Variants in COMP observed in about 807,000 individuals in gnomAD.
The protein encoded by COMP is cartilage oligomeric matrix protein.
COMP carries 79 observed loss-of-function variants against 95.8 expected under a neutral mutation model. The ratio of observed to expected loss-of-function variants is 0.82; its 90% confidence interval spans 0.69 to 0.99. COMP has a LOEUF of 0.99. Ranked by LOEUF, COMP falls within the 50% of genes least tolerant of loss-of-function variation. The pLI, the probability that COMP is intolerant of heterozygous loss-of-function variation, is 0.00. For missense variants in COMP, 906 were observed against 1,076.1 expected (o/e 0.84, Z 2.21); for synonymous variants, 438 against 433.9 (o/e 1.01, Z -0.12).
At chr19:18,790,749 C>CA in intron 2 of COMP, 101 bp downstream of exon 2, 2 of 1,604,398 alleles carry the variant, frequency 1.2e-6, no homozygotes, top group Non-Finnish European at 1.7e-6. Flanking sequence ...CTTCCCTCCC[C>CA]ATCTCCTCTC....
At chr19:18,790,791 G>A (rs2055207302) in intron 2 of COMP, 59 bp downstream of exon 2, 1 of 1,569,082 alleles carries the variant, frequency 6.4e-7, no homozygotes, top group Non-Finnish European at 8.6e-7. Flanking sequence ...TCTCCTCGCT[G>A]GGAACTGAGA....
chr19:18,787,437 C>T, intron 10 of COMP, 54 bp downstream of exon 10: 1 of 1,602,046 alleles, frequency 6.2e-7, no homozygotes, highest in Non-Finnish European at 8.5e-7. Context: ...GAGCCGAATC[C>T]CGCCCTTCGG....
chr19:18,787,914 C>CT (rs1169365963), intron 9 of COMP, among the ~76,000 whole-genome samples: 28 of 137,008 alleles, frequency 2.0e-4, no homozygotes, highest in Admixed American at 3.8e-4. Context: ...TTCTTTCTTT[C>CT]TTTTTTTTGA....
At chr19:18,783,743 G>A (rs554276367) in intron 17 of COMP, among the ~76,000 whole-genome samples, 1 of 152,086 alleles carries the variant, frequency 6.6e-6, no homozygotes, top group African/African-American at 2.4e-5. Context: ...CTGAGTAGCC[G>A]GGATGACAGG....
Position 18,790,869 on chromosome 19 carries a change from C to T in COMP, c.146G>A (p.Arg49Gln). ...CCGCACCTGCTGCCGCAGCAGCTCCCGCACGTCCTGCAGCGCCGCGTTGGT... is the reference window on the plus strand; with the variant it reads ...CCGCACCTGCTGCCGCAGCAGCTCCTGCACGTCCTGCAGCGCCGCGTTGGT... ...QETNAALQDV[R>Q]ELLRQQVREI... Residue 49 changes from arginine to glutamine, a missense_variant, in exon 2 of 19, where the codon CGG becomes CAG. Arg to Gln is a conservative substitution (Grantham distance 43, BLOSUM62 1). Coordinates refer to ENST00000222271, the MANE Select transcript of COMP (RefSeq NM_000095.3). 1 of 1,567,426 alleles carries T rather than the reference C, an allele frequency of 6.4e-7. No individual in the cohort carries two copies. The highest frequency in any genetic ancestry group is 8.6e-7 in the Non-Finnish European group (1 of 1,158,164).
At position 18,786,620 on chromosome 19, in the gene COMP, C is replaced by A. The variant is rs1429434583; in HGVS notation, c.1166G>T (p.Arg389Met). The change falls in exon 11 of 19, where the codon AGG (arginine) becomes ATG (methionine). Residue 389 changes from arginine (R) to methionine (M), a missense_variant. Transcript: ENST00000222271. Reference protein sequence around the residue: ...RIRNQADNCPRVPNSDQKDSD... With the variant: ...RIRNQADNCPMVPNSDQKDSD... ...GTCCTTCTGGTCTGAGTTGGGTACC[C>A]TAGGGCAGTTGTCGGCCTGGTTGCG... is the stretch of plus-strand genomic sequence containing the variant. The A allele has an allele frequency of 1.2e-6, 2 of 1,614,012 alleles. No individual in the cohort carries two copies. The highest frequency in any genetic ancestry group is 2.7e-5 in the African/African-American group (2 of 75,030).
rs751974065 is a variant in COMP at position 18,785,028 on chromosome 19, G to A, written c.1782C>T (p.Asp594=). Residue 594 remains aspartate, a synonymous_variant, in exon 16 of 19, where the codon GAC becomes GAT. Transcript: ENST00000222271. ...AGCCAAAGATGAAGCCCGCATAGTCGTCATCCGTGACCGTGTTCACATGGA... is the reference window on the plus strand; with the variant it reads ...AGCCAAAGATGAAGCCCGCATAGTCATCATCCGTGACCGTGTTCACATGGA... ...GTFHVNTVTD[D]DYAGFIFGYQ... is the part of the protein sequence containing the mutation. The A allele has an allele frequency of 4.3e-6, 7 of 1,614,052 alleles. No homozygotes were observed. In the East Asian group the frequency reaches 1.1e-4, roughly 26 times the overall value.
Position 18,788,306 on chromosome 19 carries a change from G to A in COMP, c.881C>T (p.Thr294Ile), listed in dbSNP as rs774577435. 1 of 1,612,050 alleles carries A rather than the reference G, an allele frequency of 6.2e-7. No homozygotes were observed. The highest frequency in any genetic ancestry group is 8.5e-7 in the Non-Finnish European group (1 of 1,179,844). ...ERQCRKDNCV[T>I]VPNSGQEDVD... ...ATCCTCCTGCCCTGAGTTGGGCACA[G>A]TCACGCAGTTGTCCTGGGGGCGGGC... The change falls in exon 9 of 19, where the codon ACT (threonine) becomes ATT (isoleucine). Residue 294 changes from threonine (T) to isoleucine (I), a missense_variant. Thr to Ile is a moderately conservative substitution (Grantham distance 89). Coordinates refer to ENST00000222271, the MANE Select transcript of COMP (RefSeq NM_000095.3). This position sits in a 1 kb window ranked among gnomAD's most constrained non-coding sequence, Gnocchi z 4.7.
chr19:18,783,140 T>C lies in COMP; in HGVS notation c.2141A>G (p.Asp714Gly). ...CAGGCGGCCACCCCGCATGGTTGTG[T>C]CCAAGACCACGTTGCTGTCGGCCAC... ...ELVADSNVVL[D>G]TTMRGGRLGV... The change falls in exon 18 of 19, where the codon GAC becomes GGC. Residue 714 changes from aspartate to glycine, a missense_variant. Physicochemically the swap from Asp to Gly is moderately conservative, Grantham distance 94. Coordinates refer to ENST00000222271, the MANE Select transcript of COMP (RefSeq NM_000095.3). 1.2e-6 allele frequency: 2 copies of C among 1,610,910 alleles called. No homozygotes were observed.
chr19:18,782,803 C>G lies in COMP; in HGVS notation c.*112G>C. The stretch of plus-strand genomic sequence containing the variant: ...GCACACACACTTTATTTTGTCCTCT[C>G]TGAGCCCTTCTCACTTCCCCCTCAG... On this transcript the variant is annotated 3_prime_UTR_variant, in exon 19 of 19. Transcript: ENST00000222271. 2 of 1,225,786 alleles carry G rather than the reference C, an allele frequency of 1.6e-6. No individual in the cohort carries two copies. The highest frequency in any genetic ancestry group is 1.2e-6 in the Non-Finnish European group (1 of 850,388). 75.9% of individuals were successfully genotyped at this position (1,225,786 alleles called of 1,614,324 possible).
intron 2 of COMP, 54 bp downstream of exon 2, chr19:18,790,796 C>T: frequency 6.4e-7 from 1 of 1,565,120 alleles, no homozygotes; most frequent in East Asian, 2.4e-5. Context: ...TCGCTGGGAA[C>T]TGAGACCCCC....
In COMP at chr19:18,786,587, C is replaced by A. The variant is rs758338295; in HGVS notation, c.1199G>T (p.Gly400Val). 1.9e-6 allele frequency: 3 copies of A among 1,613,944 alleles called. No homozygotes were observed. Among genetic ancestry groups the A allele is most frequent in the Non-Finnish European group, 2.5e-6 (3 of 1,180,020 alleles). Reference protein sequence around the residue: ...VPNSDQKDSDGDGIGDACDNC... With the variant: ...VPNSDQKDSDVDGIGDACDNC... ...GTCACAGGCATCCCCTATACCATCG[C>A]CATCACTGTCCTTCTGGTCTGAGTT... Residue 400 changes from glycine (G) to valine (V), a missense_variant, in exon 11 of 19, where the codon GGC (glycine) becomes GTC (valine). By Grantham distance (109) the Gly-to-Val change is moderately radical. Coordinates refer to ENST00000222271, the MANE Select transcript of COMP (RefSeq NM_000095.3).
At chr19:18,790,479 C>T in intron 3 of COMP, 83 bp downstream of exon 3, 1 of 1,574,024 alleles carries the variant, frequency 6.4e-7, no homozygotes, top group Non-Finnish European at 8.7e-7. Flanking sequence ...CTTTTCCTCC[C>T]CAGCTTTCCC....
intron 1 of COMP, 124 bp from the exon 2 acceptor site, chr19:18,791,059 C>T: frequency 2.0e-6 from 3 of 1,506,186 alleles, no homozygotes; most frequent in South Asian, 2.4e-5. Flanking sequence ...GGTCCCGCCA[C>T]CTGCTTTCTG....
chr19:18,789,340 G>T lies in COMP; in HGVS notation c.391-43C>A. 7 of 1,431,966 alleles carry T rather than the reference G, an allele frequency of 4.9e-6. No individual in the cohort carries two copies. Among genetic ancestry groups the T allele is most frequent in the Non-Finnish European group, 6.4e-6 (7 of 1,090,786 alleles). The allele number at this position is 1,431,966 out of a possible 1,614,324, so 88.7% of individuals were successfully genotyped here. The stretch of plus-strand genomic sequence containing the variant: ...ACAGAGGGTCAGAGGGCTTCGAGCT[G>T]GGCCCTGGGGGCCGCACCTCGTAGT... On this transcript the variant is annotated intron_variant, in intron 4 of 18. Transcript: ENST00000222271. The surrounding 1 kb of genome is among the most constrained non-coding windows in gnomAD (Gnocchi z 6.1).
Position 18,790,688 on chromosome 19 carries a change from G to C in COMP, c.166-75C>G, listed in dbSNP as rs1445598263. The C allele has an allele frequency of 8.1e-6, 13 of 1,612,498 alleles. No individual in the cohort carries two copies. The East Asian group carries it at 2.7e-4, about 33-fold the overall frequency. On this transcript the variant is annotated intron_variant, in intron 2 of 18. Coordinates refer to ENST00000222271, the MANE Select transcript of COMP (RefSeq NM_000095.3). Reference sequence around the variant, plus strand: ...CGGGTCTCCCCTCTCTCTACCCCGGGGTCCCTTTCTACAGCCTCTTTTCGC... The same window carrying C: ...CGGGTCTCCCCTCTCTCTACCCCGGCGTCCCTTTCTACAGCCTCTTTTCGC...
chr19:18,782,981 G>A lies in COMP; in HGVS notation c.2228-20C>T, dbSNP rs762512704. On this transcript the variant is annotated intron_variant, in intron 18 of 18. Transcript: ENST00000222271. ...TGGTGTCTGCAGGGAGAGGGCAGGC[G>A]GGTGAGGGCTGAGAAGGCCAGCAGG... is the stretch of plus-strand genomic sequence containing the variant. 1.2e-5 allele frequency: 20 copies of A among 1,612,540 alleles called. No homozygotes were observed. Among genetic ancestry groups the A allele is most frequent in the African/African-American group, 5.3e-5 (4 of 75,062 alleles).
chr19:18,785,166 A>C, intron 15 of COMP, 74 bp from the exon 16 acceptor site: 1 of 1,447,528 alleles, frequency 6.9e-7, no homozygotes, highest in Non-Finnish European at 9.6e-7. Flanking sequence ...CCAGAACCCA[A>C]ACCTGCCCCC....
chr19:18,786,747 C>G (rs1293810764), intron 10 of COMP, 97 bp from the exon 11 acceptor site: 3 of 623,448 alleles, frequency 4.8e-6, no homozygotes, highest in Non-Finnish European at 8.5e-6. Context: ...GGAACAGAGT[C>G]CCAACTTCAT....
Sources: allele counts gnomAD v4.1 joint callset (sites outside exome capture counted in the v4.1 genomes callset), GRCh38; gene constraint gnomAD v4.1.1; non-coding constraint Gnocchi (gnomAD v3.1); transcripts MANE v1.5; gene names NCBI Gene and HGNC (gene_info 2026-07-23, HGNC 2026-07-21).